CDH6: variants seen among roughly 807,000 people sequenced by gnomAD.
CDH6 encodes cadherin 6.
A neutral mutation model predicts 78.0 loss-of-function variants in CDH6; 31 were observed. That is an observed-to-expected ratio of 0.40 (90% CI 0.30 to 0.54). CDH6 has a LOEUF of 0.54. Among genes scored for constraint, CDH6 ranks in the 20% least tolerant of loss-of-function variants. The probability of loss-of-function intolerance (pLI) is 0.56; values close to 1 mark genes in which losing one functional copy is unlikely to be tolerated. For synonymous variants in CDH6, 376 were observed against 368.8 expected (o/e 1.02, Z -0.23); for missense variants, 724 against 975.9 (o/e 0.74, Z 3.44).
At position 31,325,527 on chromosome 5, in the gene CDH6, A is replaced by T. The variant is rs1179625458; in HGVS notation, c.*2219A>T. 8.7e-6 allele frequency: 2 copies of T among 230,976 alleles called. No individual in the cohort carries two copies. The highest frequency in any genetic ancestry group is 5.6e-5 in the Admixed American group (1 of 17,710). The allele number at this position is 230,976 out of a possible 1,614,324, so 14.3% of individuals were successfully genotyped here. A position where few individuals can be genotyped will look rare whatever the true frequency, so the allele number is the denominator to read the frequency against. On this transcript the variant is annotated 3_prime_UTR_variant, in exon 12 of 12. Coordinates refer to ENST00000265071, the MANE Select transcript of CDH6 (RefSeq NM_004932.4). ...TAAAATTAAAGAGGTCTCTATCTGT[A>T]TGTTTCATGTCACGTAACAAATTGA...
Position 31,324,392 on chromosome 5 carries a change from A to G in CDH6, c.*1084A>G. 4.6e-6 allele frequency: 1 copy of G among 215,332 alleles called. No homozygotes were observed. The highest frequency in any genetic ancestry group is 1.5e-3 in the Middle Eastern group (1 of 664). 13.3% of individuals were successfully genotyped at this position (215,332 alleles called of 1,614,324 possible). A position where few individuals can be genotyped will look rare whatever the true frequency, so the allele number is the denominator to read the frequency against. On this transcript the variant is annotated 3_prime_UTR_variant, in exon 12 of 12. Coordinates refer to ENST00000265071, the MANE Select transcript of CDH6 (RefSeq NM_004932.4). The stretch of plus-strand genomic sequence containing the variant: ...AGAGGTTAGAGCCAGCCACACTTGA[A>G]CCTAATACCCTGCCCTTGACATCTG...
intron 6 of CDH6, among the ~76,000 whole-genome samples, chr5:31,302,904 A>AAAGAAAGAAAG (rs1367533099): frequency 3.0e-5 from 1 of 33,154 alleles, no homozygotes; most frequent in African/African-American, 1.4e-4. Flanking sequence ...AGAAAGAAAA[A>AAAGAAAGAAAG]AAGAAAGAAA....
chr5:31,294,346 C>G lies in CDH6; in HGVS notation c.523+90C>G. 9.8e-7 allele frequency: 1 copy of G among 1,024,938 alleles called. No homozygotes were observed. The allele number at this position is 1,024,938 out of a possible 1,614,324, so 63.5% of individuals were successfully genotyped here. ...CCCACGAGCTCAAAGTACTGAACTG[C>G]ATGAATTTAGATGCTAACTTCTTCA... is the stretch of plus-strand genomic sequence containing the variant. On this transcript the variant is annotated intron_variant, in intron 3 of 11. Transcript: ENST00000265071. This position sits in a 1 kb window ranked among gnomAD's most constrained non-coding sequence, Gnocchi z 4.1.
intron 1 of CDH6, among the ~76,000 whole-genome samples, chr5:31,213,537 G>A (rs752477949): frequency 1.8e-4 from 27 of 152,106 alleles, no homozygotes; most frequent in Non-Finnish European, 1.6e-4. Context: ...CAATCTGTGC[G>A]ATAAACTGCT....
At chr5:31,309,892 C>T (rs908696619) in intron 7 of CDH6, among the ~76,000 whole-genome samples, 3 of 152,198 alleles carry the variant, frequency 2.0e-5, no homozygotes, top group African/African-American at 7.2e-5. Context: ...AGTCACCTCC[C>T]ACCAGGTGCC....
chr5:31,306,568 A>T (rs1737997225), intron 7 of CDH6, among the ~76,000 whole-genome samples: 1 of 152,242 alleles, frequency 6.6e-6, no homozygotes, highest in East Asian at 1.9e-4. Flanking sequence ...TCAGGAGTTC[A>T]AGAAAAGTGC....
intron 4 of CDH6, among the ~76,000 whole-genome samples, chr5:31,297,613 T>A (rs1282671742): frequency 2.0e-5 from 3 of 152,198 alleles, no homozygotes; most frequent in Non-Finnish European, 4.4e-5. Context: ...ACCCTTTCTA[T>A]GGAGTAGATT....
intron 1 of CDH6, among the ~76,000 whole-genome samples, chr5:31,266,653 T>A (rs2149933071): frequency 6.6e-6 from 1 of 152,336 alleles, no homozygotes; most frequent in African/African-American, 2.4e-5. Flanking sequence ...AAAAAAAGTT[T>A]TCTGGTCAAG....
chr5:31,302,488 C>G lies in CDH6; in HGVS notation c.999+190C>G. 6.5e-6 allele frequency: 3 copies of G among 464,442 alleles called. No individual in the cohort carries two copies. In the South Asian group the frequency reaches 1.2e-4, roughly 19 times the overall value. The allele number at this position is 464,442 out of a possible 1,614,324, so 28.8% of individuals were successfully genotyped here. ...CTGTAATCCCAGCACTTTTGGGGGC[C>G]AAGGCAGGAGGATCTCTTGAGTCCT... On this transcript the variant is annotated intron_variant, in intron 6 of 11. Coordinates refer to ENST00000265071, the MANE Select transcript of CDH6 (RefSeq NM_004932.4).
chr5:31,273,060 A>C (rs1242802431), intron 2 of CDH6, among the ~76,000 whole-genome samples: 1 of 152,202 alleles, frequency 6.6e-6, no homozygotes, highest in African/African-American at 2.4e-5. Context: ...TAACGTTTTA[A>C]CGGACCATAA....
chr5:31,277,655 CA>C (rs1742737689), intron 2 of CDH6, among the ~76,000 whole-genome samples: 1 of 152,162 alleles, frequency 6.6e-6, no homozygotes, highest in African/African-American at 2.4e-5. Context: ...ATTAGCACTT[CA>C]GATATCGAAT....
intron 6 of CDH6, among the ~76,000 whole-genome samples, chr5:31,304,245 T>C (rs986439547): frequency 2.6e-5 from 4 of 152,056 alleles, no homozygotes; most frequent in African/African-American, 9.7e-5. Context: ...AATGCAAACC[T>C]GTGGCTCTCA....
At chr5:31,244,959 T>C (rs1741703173) in intron 1 of CDH6, among the ~76,000 whole-genome samples, 1 of 152,124 alleles carries the variant, frequency 6.6e-6, no homozygotes, top group African/African-American at 2.4e-5. Context: ...CCAGAAAATA[T>C]AAAGAAGAGT....
In CDH6 at chr5:31,218,883, G is replaced by A. The variant is rs150703865; in HGVS notation, c.-129+24997G>A. Among the ~76,000 whole-genome samples the A allele has an allele frequency of 3.8e-3, 585 of 152,184 alleles. 2 individuals are homozygous for A. Among genetic ancestry groups the A allele is most frequent in the African/African-American group, 0.013 (560 of 41,520 alleles). On this transcript the variant is annotated intron_variant, in intron 1 of 11. Transcript: ENST00000265071. ...ACCCACTCTCATCCCCTACCACTTC[G>A]CTCTTTCCTAGCACACTCTGCTTCA...
chr5:31,222,389 T>C (rs182565873), intron 1 of CDH6, among the ~76,000 whole-genome samples: 58 of 152,306 alleles, frequency 3.8e-4, no homozygotes, highest in African/African-American at 1.4e-3. Context: ...GTATGTTAAG[T>C]TCCTTATTTC....
intron 7 of CDH6, among the ~76,000 whole-genome samples, chr5:31,307,785 G>C (rs1738027990): frequency 6.6e-6 from 1 of 152,124 alleles, no homozygotes; most frequent in East Asian, 1.9e-4. Flanking sequence ...AATTAAAAGA[G>C]AGAATGTTTT....
intron 1 of CDH6, among the ~76,000 whole-genome samples, chr5:31,234,039 TA>T (rs1405853817): frequency 1.7e-5 from 1 of 60,076 alleles, no homozygotes; most frequent in African/African-American, 6.4e-5. Context: ...TAATAGTCTA[TA>T]TCTCAAATAC....
At chr5:31,315,209 A>G (rs1738282358) in intron 8 of CDH6, among the ~76,000 whole-genome samples, 1 of 152,126 alleles carries the variant, frequency 6.6e-6, no homozygotes, top group African/African-American at 2.4e-5. Context: ...TAATTTCTCT[A>G]TAGCACTTAC....
At chr5:31,284,560 G>T (rs1742963408) in intron 2 of CDH6, among the ~76,000 whole-genome samples, 1 of 152,186 alleles carries the variant, frequency 6.6e-6, no homozygotes, top group Non-Finnish European at 1.5e-5. Flanking sequence ...GAACAAGAAG[G>T]GGGTGGATTG....
Sources: allele counts gnomAD v4.1 joint callset (sites outside exome capture counted in the v4.1 genomes callset), GRCh38; gene constraint gnomAD v4.1.1; non-coding constraint Gnocchi (gnomAD v3.1); transcripts MANE v1.5; gene names NCBI Gene and HGNC (gene_info 2026-07-23, HGNC 2026-07-21).